Variants in TRIM2 observed in about 807,000 individuals in gnomAD.
The protein encoded by TRIM2 is tripartite motif-containing protein 2.
TRIM2 carries 20 observed loss-of-function variants against 75.2 expected under a neutral mutation model. The ratio of observed to expected loss-of-function variants is 0.27; its 90% confidence interval spans 0.19 to 0.39. TRIM2 has a LOEUF of 0.39. Among genes scored for constraint, TRIM2 ranks in the 10% least tolerant of loss-of-function variants. The pLI is 1.00. For synonymous variants in TRIM2, 373 were observed against 388.3 expected (o/e 0.96, Z 0.46); for missense variants, 660 against 990.8 (o/e 0.67, Z 4.48).
At chr4:153,225,474 A>T (rs1560842134) in intron 1 of TRIM2, among the ~76,000 whole-genome samples, 1 of 152,230 alleles carries the variant, frequency 6.6e-6, no homozygotes, top group Non-Finnish European at 1.5e-5. Context: ...ATAATATCAT[A>T]CTTAGTCCCA....
rs901922194 is a variant in TRIM2, at chr4:153,204,680, A to G, written c.30+120A>G. ...TTCCTGGTTTTAATTTTTTCCCTGCAGAAGAGGGAAGGAAAAGACTGGGAT... is the reference window on the plus strand; with the variant it reads ...TTCCTGGTTTTAATTTTTTCCCTGCGGAAGAGGGAAGGAAAAGACTGGGAT... On this transcript the variant is annotated intron_variant, in intron 1 of 11. Coordinates refer to ENST00000338700, the MANE Select transcript of TRIM2 (RefSeq NM_015271.5). 5 of 1,267,572 alleles carry G rather than the reference A, an allele frequency of 3.9e-6. No homozygotes were observed. In the African/African-American group the frequency reaches 6.0e-5, roughly 15 times the overall value. The allele number at this position is 1,267,572 out of a possible 1,614,324, so 78.5% of individuals were successfully genotyped here.
intron 1 of TRIM2, among the ~76,000 whole-genome samples, chr4:153,178,638 G>T (rs1377884010): frequency 6.6e-6 from 1 of 152,128 alleles, no homozygotes; most frequent in Admixed American, 6.5e-5. Context: ...AATACAGAAT[G>T]ACTCCTGGTC....
At chr4:153,245,582 A>G (rs1748916652) in intron 1 of TRIM2, among the ~76,000 whole-genome samples, 1 of 152,292 alleles carries the variant, frequency 6.6e-6, no homozygotes, top group South Asian at 2.1e-4. Flanking sequence ...ATTCTGTGAC[A>G]TGAGAAAATT....
intron 1 of TRIM2, among the ~76,000 whole-genome samples, chr4:153,245,454 C>T (rs553648769): frequency 8.7e-4 from 133 of 152,178 alleles, no homozygotes; most frequent in Non-Finnish European, 6.3e-4. Flanking sequence ...TGAGCAGGGG[C>T]GGGCAAACTA....
At chr4:153,258,328 T>G (rs1405754271) in intron 1 of TRIM2, among the ~76,000 whole-genome samples, 1 of 152,118 alleles carries the variant, frequency 6.6e-6, no homozygotes, top group Admixed American at 6.5e-5. Context: ...CTGACAATTT[T>G]TTTTCCTGTC....
rs937652056 is a variant in TRIM2 at position 153,248,606 on chromosome 4, C to T, written c.31-21729C>T. On this transcript the variant is annotated intron_variant, in intron 1 of 11. Transcript: ENST00000338700. The surrounding 1 kb of genome is among the most constrained non-coding windows in gnomAD (Gnocchi z 4.0). ...AGGTAGCATTTTACAAACGAGCTAACAGACAGGCAAGGAGCAACCTGCAGA... is the reference window on the plus strand; with the variant it reads ...AGGTAGCATTTTACAAACGAGCTAATAGACAGGCAAGGAGCAACCTGCAGA... 1.3e-5 allele frequency among the ~76,000 whole-genome samples: 2 copies of T among 152,204 alleles called. No individual in the cohort carries two copies. Among genetic ancestry groups the T allele is most frequent in the Non-Finnish European group, 2.9e-5 (2 of 68,028 alleles).
chr4:153,243,452 C>T (rs1332699135), intron 1 of TRIM2, among the ~76,000 whole-genome samples: 1 of 152,214 alleles, frequency 6.6e-6, no homozygotes, highest in Non-Finnish European at 1.5e-5. Flanking sequence ...ATGGGGAGCA[C>T]TGGATGCAGT....
At chr4:153,222,303 GC>G (rs1312851261) in intron 1 of TRIM2, 1 of 151,964 alleles carries the variant, frequency 6.6e-6, no homozygotes, top group Non-Finnish European at 1.5e-5. Flanking sequence ...AGCTCTCTCA[GC>G]CCCGTCAAGC....
At chr4:153,198,657 T>G (rs1446432606) in intron 1 of TRIM2, among the ~76,000 whole-genome samples, 1 of 152,236 alleles carries the variant, frequency 6.6e-6, no homozygotes, top group African/African-American at 2.4e-5. Flanking sequence ...TCTCTTGACA[T>G]GAGAATATAG....
At chr4:153,322,942 G>A in intron 9 of TRIM2, 126 bp downstream of exon 9, 1 of 1,299,758 alleles carries the variant, frequency 7.7e-7, no homozygotes, top group Non-Finnish European at 1.0e-6. Flanking sequence ...AAGATGCTGG[G>A]GATAAAATCT....
chr4:153,164,538 AG>A (rs1210988726), intron 1 of TRIM2, among the ~76,000 whole-genome samples: 2 of 152,118 alleles, frequency 1.3e-5, no homozygotes, highest in Non-Finnish European at 2.9e-5. Flanking sequence ...ATATTTACAT[AG>A]TTCAACATTC....
intron 1 of TRIM2, among the ~76,000 whole-genome samples, chr4:153,259,541 T>TA (rs2149974125): frequency 6.6e-6 from 1 of 152,354 alleles, no homozygotes; most frequent in South Asian, 2.1e-4. Context: ...TTTTGAATTT[T>TA]AAAAAATGTG....
intron 1 of TRIM2, among the ~76,000 whole-genome samples, chr4:153,239,292 C>T (rs1413727252): frequency 6.6e-6 from 1 of 150,426 alleles, no homozygotes; most frequent in East Asian, 2.0e-4. Context: ...GCAGAGCTTG[C>T]AGTGAGCCGA....
At chr4:153,194,347 T>A (rs1470231563) in intron 1 of TRIM2, among the ~76,000 whole-genome samples, 1 of 152,164 alleles carries the variant, frequency 6.6e-6, no homozygotes, top group Non-Finnish European at 1.5e-5. Context: ...ATAAAGAGAA[T>A]GAACAACATT....
chr4:153,247,110 A>G lies in TRIM2; in HGVS notation c.31-23225A>G, dbSNP rs554858081. Among the ~76,000 whole-genome samples, 7 of 152,276 alleles carry G rather than the reference A, an allele frequency of 4.6e-5. 2 individuals are homozygous for G. Among genetic ancestry groups the G allele is most frequent in the African/African-American group, 1.2e-4 (5 of 41,560 alleles). ...TCTTTTTAAGAAGGCTGCTGGCTCT[A>G]AGGGAGAGATGCTGGCCACTGAGGA... On this transcript the variant is annotated intron_variant, in intron 1 of 11. Transcript: ENST00000338700.
chr4:153,328,272 A>C (rs1217833209), intron 10 of TRIM2, among the ~76,000 whole-genome samples: 1 of 152,252 alleles, frequency 6.6e-6, no homozygotes, highest in East Asian at 1.9e-4. Context: ...CAAAGGTATC[A>C]TTCACATAAG....
chr4:153,191,257 C>T (rs1733159145), intron 1 of TRIM2, among the ~76,000 whole-genome samples: 1 of 152,198 alleles, frequency 6.6e-6, no homozygotes, highest in Non-Finnish European at 1.5e-5. Flanking sequence ...GTTGGGGCCT[C>T]CCTTGTTTTC....
At chr4:153,250,145 G>A (rs1352009221) in intron 1 of TRIM2, among the ~76,000 whole-genome samples, 1 of 151,324 alleles carries the variant, frequency 6.6e-6, no homozygotes, top group East Asian at 1.9e-4. Flanking sequence ...TTAAAGACAG[G>A]GCCTCACTCT....
In TRIM2 at chr4:153,247,722, T is replaced by C. The variant is rs1276241086; in HGVS notation, c.31-22613T>C. On this transcript the variant is annotated intron_variant, in intron 1 of 11. Coordinates refer to ENST00000338700, the MANE Select transcript of TRIM2 (RefSeq NM_015271.5). ...AAAAACTGTATAGGCATATCTCTTC[T>C]GATTTTGCATGATTCTGCTCGCTAT... 2.0e-5 allele frequency among the ~76,000 whole-genome samples: 3 copies of C among 151,368 alleles called. No individual in the cohort carries two copies. In the East Asian group the frequency reaches 5.8e-4, roughly 29 times the overall value.
Sources: gnomAD v4.1 joint callset for allele counts (sites outside exome capture counted in the v4.1 genomes callset) on GRCh38, gnomAD v4.1.1 for gene constraint, Gnocchi (gnomAD v3.1) non-coding constraint, MANE v1.5 for transcripts, NCBI Gene and HGNC (gene_info 2026-07-23, HGNC 2026-07-21) for gene names.